Variants in PGBD2 observed in about 807,000 individuals in gnomAD.
PGBD2 encodes piggyBac transposable element derived 2, also known as piggyBac transposable element-derived protein 2.
PGBD2 carries 6 observed loss-of-function variants against 8.1 expected under a neutral mutation model. The ratio of observed to expected loss-of-function variants is 0.74; its 90% confidence interval spans 0.40 to 1.46. PGBD2 has a LOEUF of 1.46. Ranked by LOEUF, PGBD2 falls within the 40% of genes most tolerant of loss-of-function variation. The probability of loss-of-function intolerance (pLI) is 0.02; values close to 1 mark genes in which losing one functional copy is unlikely to be tolerated. For synonymous variants in PGBD2, 318 were observed against 272.2 expected, an observed-to-expected ratio of 1.17 and a Z score of -1.66; for missense variants, 802 against 739.0, an observed-to-expected ratio of 1.09 and a Z score of -0.99.
At chr1:248,894,899 G>A in the PGBD2 span, among the ~76,000 whole-genome samples, 1 of 152,016 alleles carries the variant, frequency 6.6e-6, no homozygotes, top group Non-Finnish European at 1.5e-5. Flanking sequence ...GTGCTCATGT[G>A]ATCCTCCTGC....
Position 248,918,908 on chromosome 1 carries a change from T to G in PGBD2, c.*545T>G, listed in dbSNP as rs1227938914. On this transcript the variant is annotated 3_prime_UTR_variant, in exon 3 of 3. Transcript: ENST00000329291. ...AATGAAAATATTTTCCTAATACACA[T>G]ATATCAATGTGAGATTCATTTTTGT... 1 of 167,054 alleles carries G rather than the reference T, an allele frequency of 6.0e-6. No homozygotes were observed. The highest frequency in any genetic ancestry group is 1.5e-5 in the Non-Finnish European group (1 of 68,106). 10.3% of individuals were successfully genotyped at this position (167,054 alleles called of 1,614,324 possible).
Position 248,918,003 on chromosome 1 carries a change from C to G in PGBD2, c.1419C>G (p.Tyr473Ter), listed in dbSNP as rs774063611. Residue 473 changes from tyrosine to a stop codon, truncating the protein, a stop_gained, in exon 3 of 3, where the codon TAC becomes TAG. Transcript: ENST00000329291. LOFTEE classifies it low-confidence loss of function (END_TRUNC). ...GGATGGATCAGAATATTGCCAAGTA[C>G]AAGGTGAAGATCCGAGGCATGAAGT... ...VGRMDQNIAK[Y>*]KVKIRGMKWY... 1 of 1,614,058 alleles carries G rather than the reference C, an allele frequency of 6.2e-7. No homozygotes were observed. The highest frequency in any genetic ancestry group is 1.3e-5 in the African/African-American group (1 of 74,920).
At position 248,917,683 on chromosome 1, in the gene PGBD2, G is replaced by T. The variant is rs757772271; in HGVS notation, c.1099G>T (p.Gly367Trp). The T allele has an allele frequency of 8.0e-5, 129 of 1,614,080 alleles. 1 individual carries two copies. Among genetic ancestry groups the T allele is most frequent in the Non-Finnish European group, 2.1e-5 (25 of 1,180,024 alleles). ...VKLMSILRKK[G>W]VKATGTVREY... ...ACTGATGTCCATTTTGAGGAAAAAG[G>T]GGGTGAAAGCCACAGGAACTGTTCG... The change falls in exon 3 of 3, where the codon GGG becomes TGG. Residue 367 changes from glycine to tryptophan, a missense_variant. By Grantham distance (184) the Gly-to-Trp change is radical. Transcript: ENST00000329291.
chr1:248,889,917 C>A, the PGBD2 span, among the ~76,000 whole-genome samples: 11 of 147,726 alleles, frequency 7.4e-5, no homozygotes, highest in African/African-American at 2.9e-4. Flanking sequence ...GAATCCTTTT[C>A]TTTTTCTTTT....
chr1:248,913,715 C>G (rs1454626576), intron 1 of PGBD2, 101 bp from the exon 2 acceptor site: 2 of 720,146 alleles, frequency 2.8e-6, no homozygotes, highest in Non-Finnish European at 4.9e-6. Flanking sequence ...GGTGGTGAAT[C>G]TTAAGTCAAA....
chr1:248,917,485 A>G lies in PGBD2; in HGVS notation c.901A>G (p.Thr301Ala). Reference protein sequence around the residue: ...RLGYKIWCGTTSRGYLVWFEP... With the variant: ...RLGYKIWCGTASRGYLVWFEP... ...TGGCTACAAGATTTGGTGTGGGACA[A>G]CCAGCAGAGGCTACTTGGTGTGGTT... The change falls in exon 3 of 3, where the codon ACC becomes GCC. Residue 301 changes from threonine to alanine, a missense_variant. Coordinates refer to ENST00000329291, the MANE Select transcript of PGBD2 (RefSeq NM_170725.3). 7.4e-6 allele frequency: 12 copies of G among 1,614,180 alleles called. No homozygotes were observed. The highest frequency in any genetic ancestry group is 1.1e-5 in the South Asian group (1 of 91,084).
the PGBD2 span, among the ~76,000 whole-genome samples, chr1:248,892,522 C>G: frequency 6.6e-6 from 1 of 151,502 alleles, no homozygotes; most frequent in Non-Finnish European, 1.5e-5. Context: ...ATTTATAGAA[C>G]AAGAATAAAA....
At chr1:248,920,604 ATG>A (rs1287174063), downstream of PGBD2, among the ~76,000 whole-genome samples, 2 of 152,144 alleles carry the variant, frequency 1.3e-5, no homozygotes, top group African/African-American at 4.8e-5. Context: ...CAATAAACAT[ATG>A]TGTGCATGTG....
At chr1:248,901,069 C>T in the PGBD2 span, among the ~76,000 whole-genome samples, 1 of 152,088 alleles carries the variant, frequency 6.6e-6, no homozygotes, top group African/African-American at 2.4e-5. Flanking sequence ...GAGCTACAAA[C>T]CACTGCTCAA....
intron 1 of PGBD2, among the ~76,000 whole-genome samples, chr1:248,908,858 C>T (rs1661760299): frequency 6.6e-6 from 1 of 152,068 alleles, no homozygotes; most frequent in African/African-American, 2.4e-5. Context: ...GTGCTATTCC[C>T]TGCCTGCTGA....
upstream of PGBD2, among the ~76,000 whole-genome samples, chr1:248,904,277 A>C (rs1027612338): frequency 1.3e-5 from 2 of 150,912 alleles, no homozygotes; most frequent in African/African-American, 4.9e-5. Flanking sequence ...TAACGGGCTA[A>C]ATTTTTTTTT....
chr1:248,915,517 T>G (rs1238970284), intron 2 of PGBD2, among the ~76,000 whole-genome samples: 1 of 152,268 alleles, frequency 6.6e-6, no homozygotes, highest in African/African-American at 2.4e-5. Flanking sequence ...TAGGCTAGGC[T>G]ACACTACGAT....
chr1:248,918,091 A>G lies in PGBD2; in HGVS notation c.1507A>G (p.Arg503Gly), dbSNP rs1275312736. Residue 503 changes from arginine (R) to glycine (G), a missense_variant, in exon 3 of 3, where the codon AGA (arginine) becomes GGA (glycine). Arg to Gly is a moderately radical substitution (Grantham distance 125, BLOSUM62 -2). Coordinates refer to ENST00000329291, the MANE Select transcript of PGBD2 (RefSeq NM_170725.3). The part of the protein sequence containing the change: ...AALNNAWQLH[R>G]ICCQDAQVDL... ...CCTCAACAATGCATGGCAGCTGCAT[A>G]GAATCTGCTGCCAAGATGCCCAGGT... is the stretch of plus-strand genomic sequence containing the variant. 1.2e-6 allele frequency: 2 copies of G among 1,614,234 alleles called. No homozygotes were observed. Among genetic ancestry groups the G allele is most frequent in the South Asian group, 1.1e-5 (1 of 91,084 alleles).
At chr1:248,926,006 C>T in the PGBD2 span, among the ~76,000 whole-genome samples, 1 of 152,132 alleles carries the variant, frequency 6.6e-6, no homozygotes, top group Non-Finnish European at 1.5e-5. Flanking sequence ...CTTCACCCTT[C>T]AGAGAAGAGC....
chr1:248,906,031 G>A (rs1027799584), upstream of PGBD2, among the ~76,000 whole-genome samples: 1 of 152,194 alleles, frequency 6.6e-6, no homozygotes, highest in Admixed American at 6.5e-5. Context: ...GTAGGACAGG[G>A]GTGGGAGGGT....
At chr1:248,875,881 A>G in the PGBD2 span, among the ~76,000 whole-genome samples, 1 of 152,200 alleles carries the variant, frequency 6.6e-6, no homozygotes, top group African/African-American at 2.4e-5. Context: ...TATTTATAGA[A>G]ATTTTCTTAA....
chr1:248,886,411 A>C, the PGBD2 span, among the ~76,000 whole-genome samples: 1 of 152,242 alleles, frequency 6.6e-6, no homozygotes, highest in African/African-American at 2.4e-5. Context: ...GATTTAGTAC[A>C]AGAGATTAAT....
Position 248,917,097 on chromosome 1 carries a change from T to A in PGBD2, c.513T>A (p.Asn171Lys). 6.2e-7 allele frequency: 1 copy of A among 1,613,970 alleles called. No individual in the cohort carries two copies. The highest frequency in any genetic ancestry group is 1.1e-5 in the South Asian group (1 of 91,026). The change falls in exon 3 of 3, where the codon AAT becomes AAA. Residue 171 changes from asparagine to lysine, a missense_variant. Physicochemically the swap from Asn to Lys is moderately conservative, Grantham distance 94. Transcript: ENST00000329291. ...GTTATGCTTGGCAGAAAAATGTCAA[T>A]TTGAGTCTTACGGCTCAGGAATTGA... The part of the protein sequence containing the change: ...TNRYAWQKNV[N>K]LSLTAQELKC...
intron 2 of PGBD2, 83 bp from the exon 3 acceptor site, chr1:248,916,519 T>C: frequency 8.3e-7 from 1 of 1,209,492 alleles, no homozygotes; most frequent in Non-Finnish European, 1.2e-6. Context: ...AAGTGTTTTA[T>C]AGTGGGAGCA....
Sources: gnomAD v4.1 joint callset for allele counts (sites outside exome capture counted in the v4.1 genomes callset) on GRCh38, gnomAD v4.1.1 for gene constraint, MANE v1.5 for transcripts, NCBI Gene and HGNC (gene_info 2026-07-23, HGNC 2026-07-21) for gene names.